ZNF567: variants seen among roughly 807,000 people sequenced by gnomAD.
ZNF567 encodes the protein zinc finger protein 567.
Under a neutral mutation model 53.9 loss-of-function variants are expected in ZNF567, and 36 were observed. That is an observed-to-expected ratio of 0.67 (90% CI 0.51 to 0.88). ZNF567 has a LOEUF of 0.88. Ranked by LOEUF, ZNF567 falls within the 40% of genes least tolerant of loss-of-function variation. The pLI is 0.00. For synonymous variants in ZNF567, 224 were observed against 260.4 expected (o/e 0.86, Z 1.35); for missense variants, 619 against 764.7 (o/e 0.81, Z 2.25).
At chr19:36,702,048 G>T (rs967568542) in intron 3 of ZNF567, among the ~76,000 whole-genome samples, 13 of 152,124 alleles carry the variant, frequency 8.5e-5, no homozygotes, top group African/African-American at 3.1e-4. Context: ...GCATGATTTT[G>T]CAGCGGCTGG....
At chr19:36,712,962 C>A (rs2039865564) in intron 5 of ZNF567, 95 bp downstream of exon 5, 1 of 996,066 alleles carries the variant, frequency 1.0e-6, no homozygotes, top group Non-Finnish European at 1.5e-6. Flanking sequence ...TCAGGAGTAT[C>A]TTTTTTTAAA....
intron 3 of ZNF567, among the ~76,000 whole-genome samples, chr19:36,701,471 G>A (rs571997867): frequency 4.0e-5 from 6 of 151,424 alleles, no homozygotes; most frequent in South Asian, 4.2e-4. Flanking sequence ...CAATTCCTGG[G>A]TATCCTTGTT....
downstream of ZNF567, among the ~76,000 whole-genome samples, chr19:36,725,287 C>T (rs547779141): frequency 1.8e-3 from 271 of 151,948 alleles, no homozygotes; most frequent in Non-Finnish European, 3.1e-3. Context: ...ACTGCAACCT[C>T]CACCTCCCAG....
chr19:36,723,064 G>T (rs1203437716), downstream of ZNF567: 1 of 649,308 alleles, frequency 1.5e-6, no homozygotes, highest in East Asian at 2.7e-5. Context: ...TCAGAACTGT[G>T]AGAACCCAAG....
At chr19:36,700,969 TG>T (rs2145688605) in intron 3 of ZNF567, among the ~76,000 whole-genome samples, 1 of 152,182 alleles carries the variant, frequency 6.6e-6, no homozygotes, top group African/African-American at 2.4e-5. Context: ...TGCTAGCTTT[TG>T]AATGTGTTTG....
At position 36,703,945 on chromosome 19, in the gene ZNF567, C is replaced by T. The variant is rs369993757; in HGVS notation, c.10-8441C>T. Among the ~76,000 whole-genome samples, 30 of 152,326 alleles carry T rather than the reference C, an allele frequency of 2.0e-4. No individual in the cohort carries two copies. In the South Asian group the frequency reaches 2.9e-3, roughly 15 times the overall value. On this transcript the variant is annotated intron_variant, in intron 3 of 5. Transcript: ENST00000682579. The stretch of plus-strand genomic sequence containing the variant: ...ATGGTGCGCTGCACCCACTGTCCTG[C>T]GCCCACTGTCTGGCACTCCCTAGTG...
intron 1 of ZNF567, among the ~76,000 whole-genome samples, chr19:36,688,890 C>T (rs893844740): frequency 4.6e-5 from 7 of 150,850 alleles, no homozygotes; most frequent in Admixed American, 2.6e-4. Context: ...GGACAGATCA[C>T]CTGAGGTCAG....
chr19:36,708,104 C>T (rs1420246134), intron 3 of ZNF567, among the ~76,000 whole-genome samples: 2 of 151,984 alleles, frequency 1.3e-5, no homozygotes, highest in Admixed American at 6.6e-5. Context: ...CTATGTTGCC[C>T]AGGCTGGTCT....
At position 36,719,946 on chromosome 19, in the gene ZNF567, C is replaced by A. The variant is rs1344987762; in HGVS notation, c.1222C>A (p.Leu408Ile). 1 of 1,614,042 alleles carries A rather than the reference C, an allele frequency of 6.2e-7. No individual in the cohort carries two copies. Among genetic ancestry groups the A allele is most frequent in the Admixed American group, 1.7e-5 (1 of 60,020 alleles). ...CGKSFHQKANLTVHQRTHTGE... is the reference protein window; with the variant it reads ...CGKSFHQKANITVHQRTHTGE... Reference sequence around the variant, plus strand: ...GAAGTCCTTTCACCAGAAGGCAAATCTTACTGTACATCAGAGAACTCATAC... The same window carrying A: ...GAAGTCCTTTCACCAGAAGGCAAATATTACTGTACATCAGAGAACTCATAC... Residue 408 changes from leucine (L) to isoleucine (I), a missense_variant, in exon 6 of 6, where the codon CTT (leucine) becomes ATT (isoleucine). Physicochemically the swap from Leu to Ile is conservative, Grantham distance 5. Coordinates refer to ENST00000682579, the MANE Select transcript of ZNF567 (RefSeq NM_001322917.1).
At chr19:36,688,944 T>G (rs2038428189) in intron 1 of ZNF567, among the ~76,000 whole-genome samples, 1 of 151,412 alleles carries the variant, frequency 6.6e-6, no homozygotes, top group Non-Finnish European at 1.5e-5. Flanking sequence ...CTAAAAAATA[T>G]AAAAATTAGC....
the ZNF567 span, among the ~76,000 whole-genome samples, chr19:36,676,499 G>A: frequency 6.6e-6 from 1 of 152,052 alleles, no homozygotes; most frequent in Admixed American, 6.6e-5. Flanking sequence ...CTGCCCAGCT[G>A]CTATGTATAC....
chr19:36,712,058 C>CT (rs1240613953), intron 3 of ZNF567: 25 of 177,024 alleles, frequency 1.4e-4, no homozygotes, highest in Non-Finnish European at 2.2e-4. Context: ...TTTTCTTTTC[C>CT]TTTTTTTTGA....
rs1450636296 is a variant in ZNF567, at chr19:36,687,635, G to T, written c.-168+1G>T. Reference sequence around the variant, plus strand: ...GCAGACGCCCGGCCGGCAACCGAAGGTGAGGCTGGTGGGTCCCGCGGGCGC... The same window carrying T: ...GCAGACGCCCGGCCGGCAACCGAAGTTGAGGCTGGTGGGTCCCGCGGGCGC... On this transcript the variant is annotated splice_donor_variant, in intron 1 of 5. Transcript: ENST00000682579. LOFTEE classifies it low-confidence loss of function (5UTR_SPLICE). The T allele has an allele frequency of 1.3e-5, 2 of 152,528 alleles. No homozygotes were observed. Among genetic ancestry groups the T allele is most frequent in the Non-Finnish European group, 2.9e-5 (2 of 68,258 alleles). 9.4% of individuals were successfully genotyped at this position (152,528 alleles called of 1,614,324 possible). A position where few individuals can be genotyped will look rare whatever the true frequency, so the allele number is the denominator to read the frequency against.
intron 3 of ZNF567, among the ~76,000 whole-genome samples, chr19:36,703,369 G>C (rs1459575880): frequency 6.6e-6 from 1 of 151,882 alleles, no homozygotes; most frequent in East Asian, 1.9e-4. Context: ...GGCTGCTCGG[G>C]GGTCAGGGGT....
At chr19:36,713,728 A>G (rs1003988611) in intron 5 of ZNF567, among the ~76,000 whole-genome samples, 1 of 152,192 alleles carries the variant, frequency 6.6e-6, no homozygotes, top group African/African-American at 2.4e-5. Flanking sequence ...TGAGGTCAGG[A>G]GTTTGAAACC....
At chr19:36,721,581 A>T (rs1321680043), downstream of ZNF567, among the ~76,000 whole-genome samples, 1 of 152,110 alleles carries the variant, frequency 6.6e-6, no homozygotes, top group Admixed American at 6.6e-5. Context: ...GCAAATTCGT[A>T]TTGGAGGGAA....
At chr19:36,703,517 T>A (rs990288984) in intron 3 of ZNF567, among the ~76,000 whole-genome samples, 1 of 152,174 alleles carries the variant, frequency 6.6e-6, no homozygotes, top group African/African-American at 2.4e-5. Context: ...TGTTTGTCTG[T>A]GCCCTGCCCC....
chr19:36,701,671 A>G (rs1393566204), intron 3 of ZNF567, among the ~76,000 whole-genome samples: 1 of 149,612 alleles, frequency 6.7e-6, no homozygotes, highest in Non-Finnish European at 1.5e-5. Flanking sequence ...TCCCTTTACC[A>G]TTATGTAATG....
chr19:36,673,841 G>A, the ZNF567 span, among the ~76,000 whole-genome samples: 1 of 152,138 alleles, frequency 6.6e-6, no homozygotes, highest in African/African-American at 2.4e-5. Flanking sequence ...GTAAACTGAT[G>A]ATGCAGGTGA....
Sources: gnomAD v4.1 joint callset for allele counts (sites outside exome capture counted in the v4.1 genomes callset) on GRCh38, gnomAD v4.1.1 for gene constraint, MANE v1.5 for transcripts, NCBI Gene and HGNC (gene_info 2026-07-23, HGNC 2026-07-21) for gene names.